Variants in DOCK1 observed in about 807,000 individuals in gnomAD.
DOCK1 encodes the protein dedicator of cytokinesis 1.
In DOCK1, 138 loss-of-function variants were observed where a neutral mutation model predicts 262.7. The observed-to-expected ratio is 0.53, with a 90% CI of 0.46 to 0.61. The LOEUF is 0.61. Ranked by LOEUF, DOCK1 falls within the 20% of genes least tolerant of loss-of-function variation. DOCK1 has a pLI of 0.00. For synonymous variants in DOCK1, 866 were observed against 867.4 expected (o/e 1.00, Z 0.03); for missense variants, 1,908 against 2,370.7 (o/e 0.80, Z 4.05).
rs143948596 is a variant in DOCK1 at position 126,971,032 on chromosome 10, T to C, written c.130+247T>C. Among the ~76,000 whole-genome samples the C allele has an allele frequency of 1.2e-3, 175 of 152,128 alleles. 1 individual carries two copies. Among genetic ancestry groups the C allele is most frequent in the Non-Finnish European group, 2.1e-3 (142 of 67,994 alleles). On this transcript the variant is annotated intron_variant, in intron 2 of 51. Transcript: ENST00000623213. ...TTTTAAACTCCTTGGCTCCTTATTT[T>C]CAAGCATGTGTAAATCTTTTTTTTT...
chr10:126,973,877 A>G (rs182323867), intron 2 of DOCK1, among the ~76,000 whole-genome samples: 6 of 151,430 alleles, frequency 4.0e-5, no homozygotes, highest in African/African-American at 1.5e-4. Flanking sequence ...AGCAAGTTTG[A>G]TTTTCTTTTT....
chr10:126,963,649 T>C (rs1472263678), intron 1 of DOCK1, among the ~76,000 whole-genome samples: 2 of 92,224 alleles, frequency 2.2e-5, no homozygotes, highest in African/African-American at 3.9e-5. Context: ...CCTCCTTCCT[T>C]CCTTCCTTCC....
At chr10:127,028,939 G>T (rs1392107474) in intron 16 of DOCK1, among the ~76,000 whole-genome samples, 2 of 152,310 alleles carry the variant, frequency 1.3e-5, no homozygotes, top group Non-Finnish European at 2.9e-5. Flanking sequence ...GAGGAAGCAG[G>T]TTAAGAACGG....
intron 33 of DOCK1, among the ~76,000 whole-genome samples, chr10:127,364,262 T>C (rs1418488118): frequency 6.6e-6 from 1 of 152,210 alleles, no homozygotes. Context: ...CTTTAACCTC[T>C]ACACACCCAC....
intron 29 of DOCK1, among the ~76,000 whole-genome samples, chr10:127,271,631 T>TG (rs1298528955): frequency 6.6e-6 from 1 of 152,088 alleles, no homozygotes; most frequent in South Asian, 2.1e-4. Context: ...TCTTTGGCAC[T>TG]GGGGGGGATA....
intron 1 of DOCK1, among the ~76,000 whole-genome samples, chr10:126,911,761 T>C (rs1180603082): frequency 6.6e-6 from 1 of 151,952 alleles, no homozygotes; most frequent in Non-Finnish European, 1.5e-5. Context: ...CTGATGGGAG[T>C]TGACAGGAAC....
intron 35 of DOCK1, among the ~76,000 whole-genome samples, 161 bp downstream of exon 35, chr10:127,374,375 GA>G (rs2065370358): frequency 6.6e-6 from 1 of 152,102 alleles, no homozygotes; most frequent in Admixed American, 6.5e-5. Context: ...AAGGAATCAT[GA>G]AGTCGTCCAC....
At chr10:127,411,095 C>T (rs1449679687) in intron 43 of DOCK1, among the ~76,000 whole-genome samples, 171 bp downstream of exon 43, 1 of 152,146 alleles carries the variant, frequency 6.6e-6, no homozygotes, top group Non-Finnish European at 1.5e-5. Flanking sequence ...GTTAGAAAAA[C>T]TAATTGCCAT....
intron 29 of DOCK1, among the ~76,000 whole-genome samples, chr10:127,260,857 ATC>A (rs1433572572): frequency 1.2e-5 from 1 of 81,902 alleles, no homozygotes; most frequent in Admixed American, 1.5e-4. Flanking sequence ...ACCCGTGCTC[ATC>A]TGTGTGTGTG....
chr10:127,213,559 A>C (rs1485488321), intron 27 of DOCK1, among the ~76,000 whole-genome samples: 1 of 152,260 alleles, frequency 6.6e-6, no homozygotes, highest in Admixed American at 6.5e-5. Context: ...CAGAATGAAA[A>C]ATGTTTCCCT....
At chr10:127,362,877 A>G (rs11017565) in intron 33 of DOCK1, among the ~76,000 whole-genome samples, 16,363 of 53,270 alleles carry the variant, frequency 0.31, 3,040 homozygotes, top group Non-Finnish European at 0.34. Context: ...ACACACACAT[A>G]CACATCCCCA....
chr10:127,202,802 C>T (rs1389759838), intron 27 of DOCK1, among the ~76,000 whole-genome samples: 1 of 152,162 alleles, frequency 6.6e-6, no homozygotes, highest in African/African-American at 2.4e-5. Context: ...GATCAGAGAA[C>T]GTAAATGATC....
chr10:127,180,880 G>A (rs868438834), intron 27 of DOCK1, among the ~76,000 whole-genome samples: 2 of 152,208 alleles, frequency 1.3e-5, no homozygotes, highest in African/African-American at 4.8e-5. Context: ...AACGGTCATC[G>A]TTGTGGTATT....
chr10:127,039,796 A>G (rs759569111), intron 19 of DOCK1, among the ~76,000 whole-genome samples: 40 of 152,332 alleles, frequency 2.6e-4, no homozygotes, highest in Middle Eastern at 3.4e-3. Context: ...GACTGATAGC[A>G]GAGAGATGGC....
chr10:127,404,576 G>T (rs1414009728), intron 40 of DOCK1, 147 bp downstream of exon 40: 1 of 688,032 alleles, frequency 1.5e-6, no homozygotes, highest in South Asian at 2.1e-5. Flanking sequence ...AGCCCGGGGG[G>T]CAGAGAGGGG....
At chr10:127,311,416 C>A (rs765024585) in intron 29 of DOCK1, among the ~76,000 whole-genome samples, 1 of 152,236 alleles carries the variant, frequency 6.6e-6, no homozygotes, top group Non-Finnish European at 1.5e-5. Context: ...ATGCAGTACA[C>A]TTAGGGCATC....
At chr10:127,156,962 T>C (rs2053146286) in intron 27 of DOCK1, among the ~76,000 whole-genome samples, 1 of 152,190 alleles carries the variant, frequency 6.6e-6, no homozygotes, top group Non-Finnish European at 1.5e-5. Flanking sequence ...AGTAAGCAAA[T>C]AGTTATTAAG....
intron 23 of DOCK1, among the ~76,000 whole-genome samples, chr10:127,082,456 A>C (rs1238730012): frequency 6.6e-6 from 1 of 152,174 alleles, no homozygotes; most frequent in Non-Finnish European, 1.5e-5. Context: ...GGCATGTCTT[A>C]CATGGCGGCA....
Position 127,348,900 on chromosome 10 carries a change from C to T in DOCK1, c.3224+5154C>T, listed in dbSNP as rs1022516153. Among the ~76,000 whole-genome samples, 4 of 152,184 alleles carry T rather than the reference C, an allele frequency of 2.6e-5. 1 individual carries two copies. The highest frequency in any genetic ancestry group is 6.8e-3 in the Middle Eastern group (2 of 294). On this transcript the variant is annotated intron_variant, in intron 31 of 51. Transcript: ENST00000623213. ...ATATTCCTGATTATAACAGGAGATACGATCAATTTAATTTGTGTCTGTGCT... is the reference window on the plus strand; with the variant it reads ...ATATTCCTGATTATAACAGGAGATATGATCAATTTAATTTGTGTCTGTGCT...
Sources: allele counts gnomAD v4.1 joint callset (sites outside exome capture counted in the v4.1 genomes callset), GRCh38; gene constraint gnomAD v4.1.1; transcripts MANE v1.5; gene names NCBI Gene and HGNC (gene_info 2026-07-23, HGNC 2026-07-21).